The following DNPH1 variants were observed in gnomAD, a reference collection of about 807,000 sequenced individuals.
The protein encoded by DNPH1 is 5-hydroxymethyl-dUMP N-hydrolase.
A neutral mutation model predicts 15.7 loss-of-function variants in DNPH1; 18 were observed. That is an observed-to-expected ratio of 1.15 (90% confidence interval 0.79 to 1.70). The LOEUF (loss-of-function observed/expected upper bound fraction) is 1.70. Ranked by LOEUF, DNPH1 falls within the 40% of genes most tolerant of loss-of-function variation. The pLI, the probability that DNPH1 is intolerant of heterozygous loss-of-function variation, is 0.00. For missense variants in DNPH1, 262 were observed against 255.2 expected, an observed-to-expected ratio of 1.03 and a Z score of -0.18; for synonymous variants, 114 against 107.9, an observed-to-expected ratio of 1.06 and a Z score of -0.35.
chr6:43,229,336 G>A lies in DNPH1; in HGVS notation c.121C>T (p.Arg41Trp). 1 of 1,492,378 alleles carries A rather than the reference G, an allele frequency of 6.7e-7. No homozygotes were observed. The highest frequency in any genetic ancestry group is 2.9e-5 in the East Asian group (1 of 34,110). 92.4% of individuals were successfully genotyped at this position (1,492,378 alleles called of 1,614,324 possible). A position where few individuals can be genotyped will look rare whatever the true frequency, so the allele number is the denominator to read the frequency against. ...AATCGCCGCAGCCGAGACACGATCC[G>A]CTCGTACAGCGTCCTGTCCTCGCGT... is the stretch of plus-strand genomic sequence containing the variant. ...GGREDRTLYE[R>W]IVSRLRRFGT... The change falls in exon 1 of 4, where the codon CGG (arginine) becomes TGG (tryptophan). Residue 41 changes from arginine to tryptophan, a missense_variant. Coordinates refer to ENST00000230431, the MANE Select transcript of DNPH1 (RefSeq NM_006443.3).
chr6:43,229,162 C>T, intron 1 of DNPH1, 99 bp downstream of exon 1: 1 of 1,203,538 alleles, frequency 8.3e-7, no homozygotes, highest in South Asian at 1.7e-5. Context: ...GCGCCGGGAG[C>T]GCAGCTGCCG....
In DNPH1 at chr6:43,229,395, G is replaced by A. The variant is rs866059058; in HGVS notation, c.62C>T (p.Pro21Leu). 26 of 1,447,306 alleles carry A rather than the reference G, an allele frequency of 1.8e-5. No homozygotes were observed. The highest frequency in any genetic ancestry group is 2.1e-4 in the Middle Eastern group (1 of 4,764). 89.7% of individuals were successfully genotyped at this position (1,447,306 alleles called of 1,614,324 possible). A position where few individuals can be genotyped will look rare whatever the true frequency, so the allele number is the denominator to read the frequency against. ...AATGCTCCCGCAGAAGTACAGGGCC[G>A]GGCGGCCAGGCTCCCCGCGCTCCCA... Reference protein sequence around the residue: ...ESWERGEPGRPALYFCGSIRG... With the variant: ...ESWERGEPGRLALYFCGSIRG... Residue 21 changes from proline to leucine, a missense_variant, in exon 1 of 4, where the codon CCG (proline) becomes CTG (leucine). Coordinates refer to ENST00000230431, the MANE Select transcript of DNPH1 (RefSeq NM_006443.3).
In DNPH1 at chr6:43,229,445, G is replaced by A; in HGVS notation, c.12C>T (p.Ala4=). Residue 4 remains alanine, a synonymous_variant, in exon 1 of 4, where the codon GCC becomes GCT. Coordinates refer to ENST00000230431, the MANE Select transcript of DNPH1 (RefSeq NM_006443.3). The part of the protein sequence containing the change: MAA[A]MVPGRSESWE... ...AGCTCTCGCTGCGCCCCGGCACCAT[G>A]GCAGCAGCCATTCCCCAGCCGCCCG... 7.5e-7 allele frequency: 1 copy of A among 1,332,226 alleles called. No individual in the cohort carries two copies. Among genetic ancestry groups the A allele is most frequent in the East Asian group, 3.1e-5 (1 of 32,020 alleles). The allele number at this position is 1,332,226 out of a possible 1,614,324, so 82.5% of individuals were successfully genotyped here.
At position 43,226,300 on chromosome 6, in the gene DNPH1, G is replaced by T; in HGVS notation, c.265+27C>A. On this transcript the variant is annotated intron_variant, in intron 2 of 3. Transcript: ENST00000230431. This position sits in a 1 kb window ranked among gnomAD's most constrained non-coding sequence, Gnocchi z 4.1. ...GAACCCAGCACTCCAGAGGAGTTAG[G>T]TGCTGGAAGGAGGGAGCGCCACTCA... 6.2e-7 allele frequency: 1 copy of T among 1,609,950 alleles called. No individual in the cohort carries two copies.
chr6:43,227,215 G>C (rs1243443899), intron 1 of DNPH1, among the ~76,000 whole-genome samples: 2 of 150,998 alleles, frequency 1.3e-5, no homozygotes, highest in Admixed American at 6.6e-5. Flanking sequence ...AGGAGTTTGA[G>C]ACCAGTCTGG....
In DNPH1 at chr6:43,226,990, C is replaced by T. The variant is rs1776752810; in HGVS notation, c.197-595G>A. On this transcript the variant is annotated intron_variant, in intron 1 of 3. Transcript: ENST00000230431. The surrounding 1 kb of genome is among the most constrained non-coding windows in gnomAD (Gnocchi z 4.1). Reference sequence around the variant, plus strand: ...GGTGTGGTGGTGCACACCTGTAATCCCAGCAACTTGGGAGGCTGAAGCAGG... The same window carrying T: ...GGTGTGGTGGTGCACACCTGTAATCTCAGCAACTTGGGAGGCTGAAGCAGG... Among the ~76,000 whole-genome samples the T allele has an allele frequency of 6.6e-6, 1 of 151,858 alleles. No individual in the cohort carries two copies. Among genetic ancestry groups the T allele is most frequent in the Non-Finnish European group, 1.5e-5 (1 of 67,976 alleles).
In DNPH1 at chr6:43,226,328, G is replaced by T; in HGVS notation, c.264C>A (p.Asp88Glu). 1 of 1,612,152 alleles carries T rather than the reference G, an allele frequency of 6.2e-7. No homozygotes were observed. Among genetic ancestry groups the T allele is most frequent in the Admixed American group, 1.7e-5 (1 of 59,956 alleles). ...CTGGAAGGAGGGAGCGCCACTCACC[G>T]TCCGCCTGCTGCAGCCACTCCAGGT... Reference protein sequence around the residue: ...EQDLEWLQQADVVVAEVTQPS... With the variant: ...EQDLEWLQQAEVVVAEVTQPS... The change falls in exon 2 of 4, where the codon GAC becomes GAA. Residue 88 changes from aspartate to glutamate, a missense_variant and splice_region_variant. Coordinates refer to ENST00000230431, the MANE Select transcript of DNPH1 (RefSeq NM_006443.3). The surrounding 1 kb of genome is among the most constrained non-coding windows in gnomAD (Gnocchi z 4.1).
Position 43,226,912 on chromosome 6 carries a change from G to A in DNPH1, c.197-517C>T, listed in dbSNP as rs1025101580. On this transcript the variant is annotated intron_variant, in intron 1 of 3. Transcript: ENST00000230431. The surrounding 1 kb of genome is among the most constrained non-coding windows in gnomAD (Gnocchi z 4.1). ...ACTTGAGGTCAGGAGTTCAAAACCA[G>A]CCTGGCCAACATGGTGAAACCCCAT... 3.3e-5 allele frequency among the ~76,000 whole-genome samples: 5 copies of A among 151,464 alleles called. No individual in the cohort carries two copies. The highest frequency in any genetic ancestry group is 4.9e-5 in the African/African-American group (2 of 41,170).
Position 43,225,768 on chromosome 6 carries a change from C to G in DNPH1, c.490G>C (p.Gly164Arg). 1 of 1,614,198 alleles carries G rather than the reference C, an allele frequency of 6.2e-7. No homozygotes were observed. The change falls in exon 4 of 4, where the codon GGG (glycine) becomes CGG (arginine). Residue 164 changes from glycine to arginine, a missense_variant. Transcript: ENST00000230431. ...LDRYFEADPP[G>R]QVAASPDPTT ...GGGTCAGGGGAGGCAGCCACCTGCC[C>G]TGGAGGATCAGCCTCGAAGTATCGA...
Position 43,226,101 on chromosome 6 carries a change from T to C in DNPH1, c.308A>G (p.Tyr103Cys), listed in dbSNP as rs1384974773. 2 of 1,613,578 alleles carry C rather than the reference T, an allele frequency of 1.2e-6. No homozygotes were observed. Among genetic ancestry groups the C allele is most frequent in the East Asian group, 2.2e-5 (1 of 44,890 alleles). ...EVTQPSLGVG[Y>C]ELGRAVAFNK... ...AAAGGCCACGGCCCGGCCCAGCTCA[T>C]AGCCTACACCCAAGGATGGCTGTGT... is the stretch of plus-strand genomic sequence containing the variant. The change falls in exon 3 of 4, where the codon TAT becomes TGT. Residue 103 changes from tyrosine to cysteine, a missense_variant. Transcript: ENST00000230431. This position sits in a 1 kb window ranked among gnomAD's most constrained non-coding sequence, Gnocchi z 4.1.
chr6:43,227,688 A>T (rs1329813262), intron 1 of DNPH1, among the ~76,000 whole-genome samples: 1 of 151,978 alleles, frequency 6.6e-6, no homozygotes, highest in African/African-American at 2.4e-5. Context: ...CTTGGGTAGG[A>T]TAAGTGGAAA....
chr6:43,225,945 TG>T, intron 3 of DNPH1, 64 bp from the exon 4 acceptor site: 4 of 1,613,584 alleles, frequency 2.5e-6, no homozygotes, highest in Non-Finnish European at 3.4e-6. Context: ...CCTTACCCCT[TG>T]GGAGAGGCGC....
At position 43,229,460 on chromosome 6, in the gene DNPH1, C is replaced by T. The variant is rs957594128; in HGVS notation, c.-4G>A. 2.3e-6 allele frequency: 3 copies of T among 1,295,442 alleles called. No homozygotes were observed. Among genetic ancestry groups the T allele is most frequent in the Non-Finnish European group, 2.9e-6 (3 of 1,023,918 alleles). The allele number at this position is 1,295,442 out of a possible 1,614,324, so 80.2% of individuals were successfully genotyped here. On this transcript the variant is annotated 5_prime_UTR_variant, in exon 1 of 4. Coordinates refer to ENST00000230431, the MANE Select transcript of DNPH1 (RefSeq NM_006443.3). Reference sequence around the variant, plus strand: ...CCGGCACCATGGCAGCAGCCATTCCCCAGCCGCCCGCGCTCTCCGGCGCCA... The same window carrying T: ...CCGGCACCATGGCAGCAGCCATTCCTCAGCCGCCCGCGCTCTCCGGCGCCA...
In DNPH1 at chr6:43,229,383, A is replaced by G; in HGVS notation, c.74T>C (p.Phe25Ser). Reference protein sequence around the residue: ...RGEPGRPALYFCGSIRGGRED... With the variant: ...RGEPGRPALYSCGSIRGGRED... The stretch of plus-strand genomic sequence containing the variant: ...GCGTCCGCCGCGAATGCTCCCGCAG[A>G]AGTACAGGGCCGGGCGGCCAGGCTC... The change falls in exon 1 of 4, where the codon TTC becomes TCC. Residue 25 changes from phenylalanine to serine, a missense_variant. Coordinates refer to ENST00000230431, the MANE Select transcript of DNPH1 (RefSeq NM_006443.3). The G allele has an allele frequency of 3.4e-6, 5 of 1,485,792 alleles. No homozygotes were observed. The highest frequency in any genetic ancestry group is 3.6e-6 in the Non-Finnish European group (4 of 1,120,302). 92.0% of individuals were successfully genotyped at this position (1,485,792 alleles called of 1,614,324 possible).
chr6:43,229,200 C>G (rs1239432337), intron 1 of DNPH1, 61 bp downstream of exon 1: 4 of 1,281,412 alleles, frequency 3.1e-6, no homozygotes, highest in Non-Finnish European at 9.9e-7. Context: ...CAGGCCGGGT[C>G]CCTGCCACCC....
chr6:43,226,719 A>C lies in DNPH1; in HGVS notation c.197-324T>G, dbSNP rs940265477. ...GGCATCCTAGGCCCAGAAGGTAGGGATCTCGGGTCTTAGCTTGATTAAATG... is the reference window on the plus strand; with the variant it reads ...GGCATCCTAGGCCCAGAAGGTAGGGCTCTCGGGTCTTAGCTTGATTAAATG... On this transcript the variant is annotated intron_variant, in intron 1 of 3. Coordinates refer to ENST00000230431, the MANE Select transcript of DNPH1 (RefSeq NM_006443.3). This position sits in a 1 kb window ranked among gnomAD's most constrained non-coding sequence, Gnocchi z 4.1. 4 of 369,208 alleles carry C rather than the reference A, an allele frequency of 1.1e-5. No homozygotes were observed. The highest frequency in any genetic ancestry group is 8.4e-5 in the African/African-American group (4 of 47,530). The allele number at this position is 369,208 out of a possible 1,614,324, so 22.9% of individuals were successfully genotyped here.
chr6:43,226,326 C>T lies in DNPH1; in HGVS notation c.265+1G>A. On this transcript the variant is annotated splice_donor_variant, in intron 2 of 3. Transcript: ENST00000230431. LOFTEE classifies it high-confidence loss of function. The surrounding 1 kb of genome is among the most constrained non-coding windows in gnomAD (Gnocchi z 4.1). ...TGCTGGAAGGAGGGAGCGCCACTCA[C>T]CGTCCGCCTGCTGCAGCCACTCCAG... 1 of 1,612,196 alleles carries T rather than the reference C, an allele frequency of 6.2e-7. No individual in the cohort carries two copies. Among genetic ancestry groups the T allele is most frequent in the East Asian group, 2.2e-5 (1 of 44,880 alleles).
In DNPH1 at chr6:43,226,069, G is replaced by T. The variant is rs374131386; in HGVS notation, c.340C>A (p.Arg114=). 1.9e-6 allele frequency: 3 copies of T among 1,613,606 alleles called. No individual in the cohort carries two copies. Among genetic ancestry groups the T allele is most frequent in the Admixed American group, 3.3e-5 (2 of 60,002 alleles). The change falls in exon 3 of 4, where the codon CGG becomes AGG. Residue 114 remains arginine, a synonymous_variant. Coordinates refer to ENST00000230431, the MANE Select transcript of DNPH1 (RefSeq NM_006443.3). This position sits in a 1 kb window ranked among gnomAD's most constrained non-coding sequence, Gnocchi z 4.1. ...TGCGGGCGGAACAGGCACAGGATCC[G>T]CTTGTTAAAGGCCACGGCCCGGCCC... ...ELGRAVAFNK[R]ILCLFRPQSG...
Position 43,226,208 on chromosome 6 carries a change from G to A in DNPH1, c.266-65C>T, listed in dbSNP as rs558246382. Reference sequence around the variant, plus strand: ...ACTTGAGGTTCATAAGGAAGACGACGGTGTGGCTGTGGTGAGGAGGGAACT... The same window carrying A: ...ACTTGAGGTTCATAAGGAAGACGACAGTGTGGCTGTGGTGAGGAGGGAACT... On this transcript the variant is annotated intron_variant, in intron 2 of 3. Coordinates refer to ENST00000230431, the MANE Select transcript of DNPH1 (RefSeq NM_006443.3). The surrounding 1 kb of genome is among the most constrained non-coding windows in gnomAD (Gnocchi z 4.1). 9.3e-6 allele frequency: 15 copies of A among 1,604,926 alleles called. No individual in the cohort carries two copies. The highest frequency in any genetic ancestry group is 5.3e-5 in the African/African-American group (4 of 74,898).
Sources: allele counts gnomAD v4.1 joint callset (sites outside exome capture counted in the v4.1 genomes callset), GRCh38; gene constraint gnomAD v4.1.1; non-coding constraint Gnocchi (gnomAD v3.1); transcripts MANE v1.5; gene names NCBI Gene and HGNC (gene_info 2026-07-23, HGNC 2026-07-21).